Variants in GHR observed in about 807,000 individuals in gnomAD.
GHR encodes the protein growth hormone receptor.
A neutral mutation model predicts 67.1 loss-of-function variants in GHR; 35 were observed. The observed-to-expected ratio is 0.52, with a 90% CI of 0.40 to 0.69. The LOEUF is 0.69. GHR is among the 30% of genes least tolerant of loss of function. The pLI is 0.00. For synonymous variants in GHR, 272 were observed against 269.1 expected (o/e 1.01, Z -0.10); for missense variants, 792 against 764.6 (o/e 1.04, Z -0.42).
intron 1 of GHR, among the ~76,000 whole-genome samples, chr5:42,523,718 T>C (rs67812331): frequency 0.27 from 40,441 of 151,964 alleles, 5,815 homozygotes; most frequent in African/African-American, 0.29. Flanking sequence ...ACGTGTCTGA[T>C]ATGGTTTGGT....
chr5:42,659,587 A>T (rs1288144308), intron 3 of GHR, among the ~76,000 whole-genome samples: 2 of 152,150 alleles, frequency 1.3e-5, no homozygotes, highest in African/African-American at 4.8e-5. Flanking sequence ...CATACCTGAG[A>T]CTGGGTAATT....
chr5:42,484,775 T>C (rs944611608), intron 1 of GHR, among the ~76,000 whole-genome samples: 13 of 152,238 alleles, frequency 8.5e-5, no homozygotes, highest in African/African-American at 1.7e-4. Context: ...CAAAAGCTCA[T>C]TGTAGTGTAT....
chr5:42,488,944 T>TA (rs1396999051), intron 1 of GHR, among the ~76,000 whole-genome samples: 5 of 152,138 alleles, frequency 3.3e-5, no homozygotes, highest in Non-Finnish European at 5.9e-5. Context: ...TACTGCATGA[T>TA]AGAGTTTGAG....
In GHR at chr5:42,639,401, C is replaced by T. The variant is rs186309974; in HGVS notation, c.136+10298C>T. On this transcript the variant is annotated intron_variant, in intron 3 of 9. Coordinates refer to ENST00000230882, the MANE Select transcript of GHR (RefSeq NM_000163.5). Reference sequence around the variant, plus strand: ...TCAGAGACAATTTCTGAGTCCTTGACATATTCTCAAATGTCATTCATGTCT... The same window carrying T: ...TCAGAGACAATTTCTGAGTCCTTGATATATTCTCAAATGTCATTCATGTCT... 1.9e-3 allele frequency among the ~76,000 whole-genome samples: 285 copies of T among 152,286 alleles called. 1 individual carries two copies. Among genetic ancestry groups the T allele is most frequent in the Non-Finnish European group, 3.7e-3 (252 of 68,024 alleles).
intron 1 of GHR, among the ~76,000 whole-genome samples, chr5:42,432,046 C>G (rs1389239483): frequency 6.6e-6 from 1 of 152,142 alleles, no homozygotes; most frequent in Non-Finnish European, 1.5e-5. Flanking sequence ...GGTTGACAAC[C>G]TACTGTGCTA....
chr5:42,470,803 T>A (rs2112099300), intron 1 of GHR, among the ~76,000 whole-genome samples: 1 of 152,282 alleles, frequency 6.6e-6, no homozygotes, highest in African/African-American at 2.4e-5. Flanking sequence ...ATGAATTTAG[T>A]TTGAATCTAA....
At chr5:42,559,964 G>A (rs977940743) in intron 1 of GHR, among the ~76,000 whole-genome samples, 1 of 152,000 alleles carries the variant, frequency 6.6e-6, no homozygotes, top group Non-Finnish European at 1.5e-5. Context: ...GCTTCACCAA[G>A]GAGATCAACT....
chr5:42,459,505 C>A (rs1744397885), intron 1 of GHR, among the ~76,000 whole-genome samples: 1 of 152,044 alleles, frequency 6.6e-6, no homozygotes, highest in African/African-American at 2.4e-5. Flanking sequence ...GACAGTGGGG[C>A]CTACTTGTGG....
intron 6 of GHR, among the ~76,000 whole-genome samples, chr5:42,701,827 A>G (rs1414465649): frequency 1.3e-5 from 2 of 152,206 alleles, no homozygotes; most frequent in African/African-American, 2.4e-5. Flanking sequence ...AGAAAAATCT[A>G]CAACTCAGTT....
intron 1 of GHR, chr5:42,514,432 T>C: frequency 4.4e-6 from 2 of 455,670 alleles, no homozygotes; most frequent in Non-Finnish European, 2.9e-6. Context: ...CTATTCAAAC[T>C]CCCAGCTATC....
At chr5:42,612,575 A>G (rs1375268506) in intron 2 of GHR, among the ~76,000 whole-genome samples, 1 of 152,140 alleles carries the variant, frequency 6.6e-6, no homozygotes, top group Non-Finnish European at 1.5e-5. Context: ...TCAATCAGTA[A>G]TAATATAGAT....
At chr5:42,543,227 G>T (rs1240335188) in intron 1 of GHR, among the ~76,000 whole-genome samples, 3 of 152,076 alleles carry the variant, frequency 2.0e-5, no homozygotes, top group Non-Finnish European at 4.4e-5. Flanking sequence ...TTCCATGGAG[G>T]TTGTACTAAT....
chr5:42,479,590 A>C (rs1579784265), intron 1 of GHR, among the ~76,000 whole-genome samples: 1 of 152,264 alleles, frequency 6.6e-6, no homozygotes, highest in East Asian at 1.9e-4. Context: ...TCAGAGATTC[A>C]ACTTCTTCCT....
rs182379327 is a variant in GHR, at chr5:42,443,586, G to T, written c.-12+19631G>T. Among the ~76,000 whole-genome samples, 4 of 152,198 alleles carry T rather than the reference G, an allele frequency of 2.6e-5. No homozygotes were observed. In the East Asian group the frequency reaches 7.7e-4, roughly 29 times the overall value. On this transcript the variant is annotated intron_variant, in intron 1 of 9. Coordinates refer to ENST00000230882, the MANE Select transcript of GHR (RefSeq NM_000163.5). ...TGGCATGTTTCACCAATGTATTAGG[G>T]TTTCCAGAGAAACAGGACCAGTAGG... is the stretch of plus-strand genomic sequence containing the variant.
At chr5:42,601,816 C>T (rs1580029281) in intron 2 of GHR, among the ~76,000 whole-genome samples, 1 of 151,916 alleles carries the variant, frequency 6.6e-6, no homozygotes, top group South Asian at 2.1e-4. Context: ...TTTCATTCAC[C>T]TTTTCAATTC....
intron 2 of GHR, among the ~76,000 whole-genome samples, chr5:42,594,648 C>T (rs933347926): frequency 6.6e-6 from 1 of 152,134 alleles, no homozygotes; most frequent in African/African-American, 2.4e-5. Flanking sequence ...AACACTGTCA[C>T]TTGTAAAACA....
At chr5:42,434,204 C>T (rs1007950328) in intron 1 of GHR, among the ~76,000 whole-genome samples, 1 of 152,140 alleles carries the variant, frequency 6.6e-6, no homozygotes, top group African/African-American at 2.4e-5. Context: ...AAGCCATGTG[C>T]TGATGCTGAC....
chr5:42,643,627 C>T (rs904456184), intron 3 of GHR, among the ~76,000 whole-genome samples: 2 of 152,092 alleles, frequency 1.3e-5, no homozygotes, highest in African/African-American at 4.8e-5. Context: ...GATGTCTAGT[C>T]TCTACTCTTG....
chr5:42,479,344 C>G (rs1001348051), intron 1 of GHR, among the ~76,000 whole-genome samples: 2 of 152,136 alleles, frequency 1.3e-5, no homozygotes, highest in African/African-American at 2.4e-5. Context: ...GTCTAAAATT[C>G]TCTTTTTTGG....
Sources: gnomAD v4.1 joint callset for allele counts (sites outside exome capture counted in the v4.1 genomes callset) on GRCh38, gnomAD v4.1.1 for gene constraint, MANE v1.5 for transcripts, NCBI Gene and HGNC (gene_info 2026-07-23, HGNC 2026-07-21) for gene names.